The following GPC3 variants were observed in gnomAD, a reference collection of about 807,000 sequenced individuals.
The protein encoded by GPC3 is glypican 3, also known as glypican-3.
In GPC3, 3 loss-of-function variants were observed where a neutral mutation model predicts 34.4. The ratio of observed to expected loss-of-function variants is 0.09; its 90% CI spans 0.04 to 0.23. The LOEUF is 0.23. Ranked by LOEUF, GPC3 falls within the 10% of genes least tolerant of loss-of-function variation. The probability of loss-of-function intolerance (pLI) is 1.00; values close to 1 mark genes in which losing one functional copy is unlikely to be tolerated. For missense variants in GPC3, 351 were observed against 445.6 expected (o/e 0.79, Z 1.91); for synonymous variants, 177 against 174.0 (o/e 1.02, Z -0.13).
At chrX:133,858,121 GC>G (rs1314522086) in intron 2 of GPC3, among the ~76,000 whole-genome samples, 1 of 111,185 alleles carries the variant, frequency 9.0e-6, no homozygotes, top group Non-Finnish European at 1.9e-5. Context: ...GGAAAGGGGG[GC>G]TGCTAAAGGA....
At chrX:133,750,831 TG>T (rs1468436851) in intron 3 of GPC3, among the ~76,000 whole-genome samples, 1 of 110,413 alleles carries the variant, frequency 9.1e-6, no homozygotes, top group African/African-American at 3.3e-5. Context: ...CTCAGCACTT[TG>T]GGCGGCCTAG....
At chrX:133,982,667 C>T (rs1164542733) in intron 1 of GPC3, among the ~76,000 whole-genome samples, 1 of 112,048 alleles carries the variant, frequency 8.9e-6, no homozygotes, top group Non-Finnish European at 1.9e-5. Context: ...CTAAGTGAAA[C>T]AGGACATTCT....
intron 7 of GPC3, among the ~76,000 whole-genome samples, chrX:133,549,905 C>A (rs1464328329): frequency 9.8e-6 from 1 of 101,619 alleles, no homozygotes; most frequent in Admixed American, 1.1e-4. Flanking sequence ...TCTTTCTATC[C>A]TTTTCTCTCT....
At chrX:133,728,315 C>T (rs773170673) in intron 3 of GPC3, among the ~76,000 whole-genome samples, 1 of 106,524 alleles carries the variant, frequency 9.4e-6, no homozygotes, top group South Asian at 4.4e-4. Flanking sequence ...TCTGCTCTTA[C>T]CAGTGCATTT....
chrX:133,828,633 G>GT lies in GPC3; in HGVS notation c.338-74458dup, dbSNP rs764516689. On this transcript the variant is annotated intron_variant, in intron 2 of 7. Transcript: ENST00000370818. ...TCACTTACATGTGGAATCTGAAAAGGTTGAACTCACAGATGCAAAATCAAA... is the reference window on the plus strand; with the variant it reads ...TCACTTACATGTGGAATCTGAAAAGGTTTGAACTCACAGATGCAAAATCAAA... Among the ~76,000 whole-genome samples, 963 of 111,582 alleles carry GT rather than the reference G, an allele frequency of 8.6e-3. 12 individuals are homozygous for GT. Among genetic ancestry groups the GT allele is most frequent in the African/African-American group, 0.029 (882 of 30,691 alleles).
chrX:133,937,030 T>C lies in GPC3; in HGVS notation c.337+16020A>G, dbSNP rs771439956. 2.7e-5 allele frequency among the ~76,000 whole-genome samples: 3 copies of C among 110,687 alleles called. No homozygotes were observed. The South Asian group carries it at 1.2e-3, about 43-fold the overall frequency. On this transcript the variant is annotated intron_variant, in intron 2 of 7. Transcript: ENST00000370818. Reference sequence around the variant, plus strand: ...CAGGCAGACAGACAGACAGACAGGTTTGATTTTTTTTTTTTAACACTCAGA... The same window carrying C: ...CAGGCAGACAGACAGACAGACAGGTCTGATTTTTTTTTTTTAACACTCAGA...
rs187159640 is a variant in GPC3, at chrX:133,759,066, G to A, written c.338-4890C>T. On this transcript the variant is annotated intron_variant, in intron 2 of 7. Transcript: ENST00000370818. ...AGCTACTGCAATGAGACAATAAAAG[G>A]AAATAAAAGGTGTACAGATTGGGAA... Among the ~76,000 whole-genome samples, 414 of 110,754 alleles carry A rather than the reference G, an allele frequency of 3.7e-3. 3 individuals carry two copies. Among genetic ancestry groups the A allele is most frequent in the Non-Finnish European group, 6.0e-3 (317 of 52,735 alleles).
intron 3 of GPC3, among the ~76,000 whole-genome samples, chrX:133,715,902 G>A (rs931022323): frequency 2.7e-5 from 3 of 111,105 alleles, no homozygotes; most frequent in Admixed American, 9.7e-5. Context: ...TTCTGTGCAA[G>A]GAAGTGAAGG....
chrX:133,641,128 A>T (rs1457099641), intron 6 of GPC3, among the ~76,000 whole-genome samples: 1 of 110,591 alleles, frequency 9.0e-6, no homozygotes. Context: ...AGTAAATTTT[A>T]AAAAAATTCC....
intron 2 of GPC3, among the ~76,000 whole-genome samples, chrX:133,872,741 C>A (rs2075999326): frequency 8.9e-6 from 1 of 111,755 alleles, no homozygotes; most frequent in Admixed American, 9.5e-5. Context: ...TTGTATTTTT[C>A]TATATGGGCT....
intron 2 of GPC3, among the ~76,000 whole-genome samples, chrX:133,858,974 G>T (rs899676388): frequency 9.3e-6 from 1 of 108,087 alleles, no homozygotes; most frequent in South Asian, 4.2e-4. Flanking sequence ...CCAGCTATTC[G>T]GGAGGCTGAG....
intron 6 of GPC3, among the ~76,000 whole-genome samples, chrX:133,650,480 C>T (rs1439455222): frequency 9.0e-6 from 1 of 110,573 alleles, no homozygotes; most frequent in Non-Finnish European, 1.9e-5. Flanking sequence ...CACACACACA[C>T]ACACACACAT....
chrX:133,891,288 G>T (rs1240556674), intron 2 of GPC3, among the ~76,000 whole-genome samples: 1 of 111,121 alleles, frequency 9.0e-6, no homozygotes, highest in Non-Finnish European at 1.9e-5. Flanking sequence ...GGGTGAAGGA[G>T]ATGGGGAGAT....
At chrX:133,744,324 CAAAT>C (rs1783019564) in intron 3 of GPC3, among the ~76,000 whole-genome samples, 1 of 112,193 alleles carries the variant, frequency 8.9e-6, no homozygotes, top group Non-Finnish European at 1.9e-5. Context: ...AAGAAAAAAA[CAAAT>C]AACCCATCAA....
chrX:133,592,124 T>C (rs892759669), intron 7 of GPC3, among the ~76,000 whole-genome samples: 3 of 111,149 alleles, frequency 2.7e-5, no homozygotes, highest in East Asian at 5.7e-4. Context: ...TCCTCCTGCA[T>C]AATTTTCTTT....
intron 2 of GPC3, among the ~76,000 whole-genome samples, chrX:133,920,233 C>A (rs1247959785): frequency 1.8e-5 from 2 of 110,104 alleles, no homozygotes; most frequent in Admixed American, 1.9e-4. Flanking sequence ...GTACATGAAG[C>A]AGAAAGATGC....
intron 2 of GPC3, among the ~76,000 whole-genome samples, chrX:133,866,180 C>T (rs1453781618): frequency 8.9e-6 from 1 of 111,739 alleles, no homozygotes; most frequent in East Asian, 2.8e-4. Flanking sequence ...AAATCAATAC[C>T]TTATATATGC....
intron 3 of GPC3, among the ~76,000 whole-genome samples, chrX:133,751,160 T>C (rs2071665031): frequency 9.0e-6 from 1 of 110,575 alleles, no homozygotes; most frequent in African/African-American, 3.3e-5. Flanking sequence ...TCCAGATCAA[T>C]TGTGTTGCTA....
At chrX:133,856,435 A>C (rs1395659734) in intron 2 of GPC3, among the ~76,000 whole-genome samples, 1 of 111,222 alleles carries the variant, frequency 9.0e-6, no homozygotes, top group African/African-American at 3.3e-5. Context: ...ATTTAAAAGA[A>C]CAGTAAAATC....
Sources: allele counts gnomAD v4.1 joint callset (sites outside exome capture counted in the v4.1 genomes callset), GRCh38; gene constraint gnomAD v4.1.1; transcripts MANE v1.5; gene names NCBI Gene and HGNC (gene_info 2026-07-23, HGNC 2026-07-21).